Variants in LRMDA observed in about 807,000 individuals in gnomAD.
LRMDA encodes leucine rich melanocyte differentiation associated, also known as leucine-rich melanocyte differentiation-associated protein.
A neutral mutation model predicts 29.8 loss-of-function variants in LRMDA; 18 were observed. The observed-to-expected ratio is 0.60, with a 90% CI of 0.42 to 0.90. LRMDA has a LOEUF of 0.90. LRMDA is among the 40% of genes least tolerant of loss of function. The pLI is 0.00. For synonymous variants in LRMDA, 125 were observed against 109.4 expected, an observed-to-expected ratio of 1.14 and a Z score of -0.89; for missense variants, 273 against 273.9, an observed-to-expected ratio of 1.00 and a Z score of 0.02.
At chr10:76,482,537 A>AT (rs1436802515) in intron 6 of LRMDA, among the ~76,000 whole-genome samples, 1 of 151,790 alleles carries the variant, frequency 6.6e-6, no homozygotes, top group African/African-American at 2.4e-5. Context: ...GTTCATTCTG[A>AT]TTGTCTAGTA....
rs987149552 is a variant in LRMDA at position 76,368,568 on chromosome 10, G to A, written c.601+44083G>A. On this transcript the variant is annotated intron_variant, in intron 6 of 6. Coordinates refer to ENST00000611255, the MANE Select transcript of LRMDA (RefSeq NM_001305581.2). ...TTCCATGCATTGTTGAATAGAATGC[G>A]TATTGTGTGGTTGTTGGGTGAAATG... 1.6e-4 allele frequency among the ~76,000 whole-genome samples: 25 copies of A among 152,098 alleles called. No individual in the cohort carries two copies. The East Asian group carries it at 4.2e-3, about 26-fold the overall frequency.
chr10:76,141,722 A>G (rs7077442), intron 5 of LRMDA, among the ~76,000 whole-genome samples: 103,487 of 151,934 alleles, frequency 0.68, 35,616 homozygotes, highest in East Asian at 0.85. Context: ...GAAATTGGAC[A>G]TATATCCAGC....
chr10:75,666,579 G>GA (rs1489933993), intron 2 of LRMDA, among the ~76,000 whole-genome samples: 1 of 151,948 alleles, frequency 6.6e-6, no homozygotes, highest in Non-Finnish European at 1.5e-5. Flanking sequence ...TAAATAGTTT[G>GA]AAAAAAACAA....
At chr10:75,481,433 C>T (rs546088372) in intron 2 of LRMDA, among the ~76,000 whole-genome samples, 86 of 152,184 alleles carry the variant, frequency 5.7e-4, no homozygotes, top group African/African-American at 2.0e-3. Context: ...TCAGATTTAG[C>T]GGTAGGGAGG....
At chr10:76,216,560 G>GT (rs752252390) in intron 5 of LRMDA, among the ~76,000 whole-genome samples, 4 of 152,004 alleles carry the variant, frequency 2.6e-5, no homozygotes, top group Non-Finnish European at 5.9e-5. Context: ...ATTAATTTGT[G>GT]AAGAGATATT....
intron 6 of LRMDA, among the ~76,000 whole-genome samples, chr10:76,471,793 A>T (rs904828095): frequency 6.6e-6 from 1 of 151,780 alleles, no homozygotes; most frequent in African/African-American, 2.4e-5. Context: ...AGAAAAAAAT[A>T]GACTTTAAGA....
chr10:75,568,197 G>A (rs894233636), intron 2 of LRMDA, among the ~76,000 whole-genome samples: 29 of 152,288 alleles, frequency 1.9e-4, no homozygotes, highest in African/African-American at 6.5e-4. Context: ...AGCCTCCTTC[G>A]TGGAGGGGAA....
chr10:76,119,217 G>A (rs1849726231), intron 5 of LRMDA, among the ~76,000 whole-genome samples: 1 of 151,954 alleles, frequency 6.6e-6, no homozygotes, highest in African/African-American at 2.4e-5. Flanking sequence ...GTATCTCTCG[G>A]TGGTACAGAT....
chr10:75,922,612 A>G (rs1371684512), intron 2 of LRMDA, among the ~76,000 whole-genome samples: 1 of 152,012 alleles, frequency 6.6e-6, no homozygotes, highest in Non-Finnish European at 1.5e-5. Flanking sequence ...TGCCTTTCCA[A>G]CTTCCACATA....
chr10:76,234,387 T>C (rs1235681703), intron 5 of LRMDA, among the ~76,000 whole-genome samples: 3 of 152,170 alleles, frequency 2.0e-5, no homozygotes, highest in African/African-American at 7.2e-5. Context: ...GCAGAGTAGA[T>C]TTAGCGTAAT....
At chr10:75,634,054 G>T (rs1841360187) in intron 2 of LRMDA, among the ~76,000 whole-genome samples, 1 of 152,038 alleles carries the variant, frequency 6.6e-6, no homozygotes, top group Non-Finnish European at 1.5e-5. Context: ...AATCTCTTAG[G>T]GTCAAAGGAG....
chr10:76,341,752 C>T (rs1277561952), intron 6 of LRMDA, among the ~76,000 whole-genome samples: 2 of 152,152 alleles, frequency 1.3e-5, no homozygotes, highest in Non-Finnish European at 2.9e-5. Flanking sequence ...CCCCCTTTCC[C>T]TGCATGTGGG....
intron 2 of LRMDA, among the ~76,000 whole-genome samples, chr10:75,983,847 G>A (rs892365063): frequency 6.6e-6 from 1 of 152,168 alleles, no homozygotes; most frequent in Non-Finnish European, 1.5e-5. Flanking sequence ...TAGAGATGGG[G>A]TTTCACGATG....
chr10:75,746,235 G>C (rs184509812), intron 2 of LRMDA, among the ~76,000 whole-genome samples: 1 of 152,302 alleles, frequency 6.6e-6, no homozygotes, highest in East Asian at 1.9e-4. Context: ...AGGTCATTAC[G>C]TAAATAATTT....
intron 2 of LRMDA, among the ~76,000 whole-genome samples, chr10:76,002,242 C>A (rs1289407213): frequency 6.6e-6 from 1 of 152,200 alleles, no homozygotes; most frequent in East Asian, 1.9e-4. Context: ...ACCCATGTGA[C>A]CTCATCTAAC....
intron 2 of LRMDA, among the ~76,000 whole-genome samples, chr10:76,017,174 G>C (rs930377363): frequency 6.6e-6 from 1 of 152,198 alleles, no homozygotes; most frequent in Non-Finnish European, 1.5e-5. Flanking sequence ...TGTGTGGGGC[G>C]GACGCCGCAT....
rs763276985 is a variant in LRMDA, at chr10:76,175,239, G to A, written c.516+116456G>A. On this transcript the variant is annotated intron_variant, in intron 5 of 6. Transcript: ENST00000611255. The stretch of plus-strand genomic sequence containing the variant: ...TAGTTCATTTTGTTGAGACCCTGTA[G>A]CATGAGGTTTAAGAGCTGTGGGTCT... Among the ~76,000 whole-genome samples, 44 of 152,212 alleles carry A rather than the reference G, an allele frequency of 2.9e-4. 1 individual carries two copies. Among genetic ancestry groups the A allele is most frequent in the Admixed American group, 2.6e-4 (4 of 15,286 alleles).
chr10:76,376,243 A>T (rs1255829164), intron 6 of LRMDA, among the ~76,000 whole-genome samples: 5 of 152,192 alleles, frequency 3.3e-5, no homozygotes, highest in Admixed American at 3.3e-4. Flanking sequence ...GAGTGAAAAC[A>T]TGCAGCATTT....
At chr10:75,791,207 A>G (rs1843559440) in intron 2 of LRMDA, among the ~76,000 whole-genome samples, 1 of 152,210 alleles carries the variant, frequency 6.6e-6, no homozygotes, top group Admixed American at 6.5e-5. Flanking sequence ...TGAATAGTGC[A>G]CTAGAGTGCT....
Sources: gnomAD v4.1 joint callset for allele counts (sites outside exome capture counted in the v4.1 genomes callset) on GRCh38, gnomAD v4.1.1 for gene constraint, MANE v1.5 for transcripts, NCBI Gene and HGNC (gene_info 2026-07-23, HGNC 2026-07-21) for gene names.